The following WDR27 variants were observed in gnomAD, a reference collection of about 807,000 sequenced individuals.
WDR27 encodes WD repeat-containing protein 27.
In WDR27, 100 loss-of-function variants were observed where a neutral mutation model predicts 114.4. The observed-to-expected ratio is 0.87, with a 90% CI of 0.74 to 1.03. The LOEUF (loss-of-function observed/expected upper bound fraction) is 1.03, where lower values mean the gene tolerates loss of function less well. Ranked by LOEUF, WDR27 falls within the 50% of genes least tolerant of loss-of-function variation. The pLI is 0.00. For synonymous variants in WDR27, 449 were observed against 423.1 expected, an observed-to-expected ratio of 1.06 and a Z score of -0.75; for missense variants, 1,129 against 1,092.9, an observed-to-expected ratio of 1.03 and a Z score of -0.47.
chr6:169,481,823 C>A (rs541094877), intron 25 of WDR27, among the ~76,000 whole-genome samples: 1 of 152,322 alleles, frequency 6.6e-6, no homozygotes, highest in African/African-American at 2.4e-5. Flanking sequence ...GCCAGTGAGA[C>A]CACGAACCCA....
chr6:169,457,568 G>A lies in WDR27; in HGVS notation c.*24C>T. On this transcript the variant is annotated 3_prime_UTR_variant, in exon 26 of 26. Transcript: ENST00000448612. Reference sequence around the variant, plus strand: ...GTTCCTCACAGCATTCCTGGACCCAGCTCACAGGTCAGTGGTTACTCAGCT... The same window carrying A: ...GTTCCTCACAGCATTCCTGGACCCAACTCACAGGTCAGTGGTTACTCAGCT... The A allele has an allele frequency of 6.5e-7, 1 of 1,548,178 alleles. No individual in the cohort carries two copies. Among genetic ancestry groups the A allele is most frequent in the South Asian group, 1.2e-5 (1 of 83,268 alleles).
At chr6:169,458,031 C>T (rs910162052) in intron 25 of WDR27, among the ~76,000 whole-genome samples, 7 of 136,654 alleles carry the variant, frequency 5.1e-5, no homozygotes, top group African/African-American at 1.1e-4. Context: ...CAGGAATCCA[C>T]CCCACCCAGA....
At chr6:169,610,263 C>G (rs1810201130) in intron 22 of WDR27, among the ~76,000 whole-genome samples, 1 of 152,208 alleles carries the variant, frequency 6.6e-6, no homozygotes, top group East Asian at 1.9e-4. Flanking sequence ...CCCCACTCTA[C>G]TGGTACCGAT....
At chr6:169,672,850 C>T (rs2128298900) in intron 2 of WDR27, among the ~76,000 whole-genome samples, 1 of 152,158 alleles carries the variant, frequency 6.6e-6, no homozygotes, top group East Asian at 1.9e-4. Context: ...GTGTGGCGAC[C>T]TTGGCAACTA....
chr6:169,545,359 C>A (rs1397777090), intron 25 of WDR27, among the ~76,000 whole-genome samples: 2 of 152,172 alleles, frequency 1.3e-5, no homozygotes, highest in Non-Finnish European at 2.9e-5. Flanking sequence ...AGTTTTTATA[C>A]TTTGCACCAA....
At chr6:169,453,476 C>CACA (rs1784236016), downstream of WDR27, among the ~76,000 whole-genome samples, 2 of 152,180 alleles carry the variant, frequency 1.3e-5, no homozygotes, top group Admixed American at 6.5e-5. Context: ...CATGCTGGGA[C>CACA]ACATTGCCTC....
At chr6:169,634,836 A>G (rs1817285417) in intron 19 of WDR27, among the ~76,000 whole-genome samples, 1 of 152,198 alleles carries the variant, frequency 6.6e-6, no homozygotes, top group Non-Finnish European at 1.5e-5. Flanking sequence ...ATGTATGCTT[A>G]GAAAATCCTG....
Position 169,672,394 on chromosome 6 carries a change from A to G in WDR27, c.192T>C (p.Leu64=). Residue 64 remains leucine, a splice_region_variant and synonymous_variant, in exon 3 of 26, where the codon CTT becomes CTC. Coordinates refer to ENST00000448612, the MANE Select transcript of WDR27 (RefSeq NM_182552.5). ...GCTGATGGTGTCCTCGTAGGATTAGAAGCTGGGAAAATTAACAAAAATAAA... is the reference window on the plus strand; with the variant it reads ...GCTGATGGTGTCCTCGTAGGATTAGGAGCTGGGAAAATTAACAAAAATAAA... ...IWNTKDPSHQ[L]LILRGHHQPI... 6.3e-7 allele frequency: 1 copy of G among 1,589,098 alleles called. No individual in the cohort carries two copies. Among genetic ancestry groups the G allele is most frequent in the South Asian group, 1.2e-5 (1 of 86,480 alleles).
chr6:169,573,939 A>G (rs1173273043), intron 24 of WDR27, among the ~76,000 whole-genome samples: 1 of 152,256 alleles, frequency 6.6e-6, no homozygotes, highest in Non-Finnish European at 1.5e-5. Flanking sequence ...CTTGGCTACC[A>G]TCTCAGCCAG....
chr6:169,445,397 T>G, the WDR27 span, among the ~76,000 whole-genome samples: 1 of 151,924 alleles, frequency 6.6e-6, no homozygotes, highest in Non-Finnish European at 1.5e-5. Context: ...GTGTAGGGTC[T>G]CCGGTGTAAT....
At chr6:169,445,698 G>A in the WDR27 span, among the ~76,000 whole-genome samples, 1 of 152,206 alleles carries the variant, frequency 6.6e-6, no homozygotes, top group Non-Finnish European at 1.5e-5. Context: ...AGCTCCTCTG[G>A]GCCCGCCCTG....
At chr6:169,662,975 C>T (rs1347399384) in intron 8 of WDR27, among the ~76,000 whole-genome samples, 1 of 149,762 alleles carries the variant, frequency 6.7e-6, no homozygotes, top group African/African-American at 2.5e-5. Context: ...TAACACCCAG[C>T]ATGACGCGTG....
chr6:169,682,229 T>C (rs917021732), intron 2 of WDR27, among the ~76,000 whole-genome samples: 1 of 152,188 alleles, frequency 6.6e-6, no homozygotes, highest in Non-Finnish European at 1.5e-5. Context: ...CCACAGCAGA[T>C]CCTGAAGGGA....
At chr6:169,622,966 C>T (rs1288582486) in intron 21 of WDR27, among the ~76,000 whole-genome samples, 8 of 152,178 alleles carry the variant, frequency 5.3e-5, no homozygotes, top group Non-Finnish European at 8.8e-5. Context: ...ACCAGACTGC[C>T]TTTGTAGGAC....
intron 25 of WDR27, among the ~76,000 whole-genome samples, chr6:169,533,926 T>C (rs1795916877): frequency 1.3e-5 from 2 of 152,076 alleles, no homozygotes; most frequent in Non-Finnish European, 2.9e-5. Flanking sequence ...GAACATCCAA[T>C]ACAATGATGA....
At chr6:169,650,236 T>A (rs1821972699) in intron 14 of WDR27, among the ~76,000 whole-genome samples, 1 of 132,172 alleles carries the variant, frequency 7.6e-6, no homozygotes, top group South Asian at 2.8e-4. Flanking sequence ...TACTCATCCA[T>A]CCCTCATCTC....
intron 25 of WDR27, among the ~76,000 whole-genome samples, chr6:169,503,763 A>G (rs1275248048): frequency 6.6e-6 from 1 of 151,744 alleles, no homozygotes; most frequent in Non-Finnish European, 1.5e-5. Context: ...TTCAATTTCT[A>G]GTCATTAATA....
chr6:169,449,721 CA>C, the WDR27 span, among the ~76,000 whole-genome samples: 1 of 152,188 alleles, frequency 6.6e-6, no homozygotes, highest in African/African-American at 2.4e-5. Context: ...GCAGGAGGAG[CA>C]AGGTCCTGGG....
At chr6:169,578,766 T>C (rs1462868651) in intron 24 of WDR27, among the ~76,000 whole-genome samples, 1 of 152,218 alleles carries the variant, frequency 6.6e-6, no homozygotes, top group African/African-American at 2.4e-5. Context: ...GCTTTGGTTA[T>C]TATTTTATAC....
Sources: gnomAD v4.1 joint callset for allele counts (sites outside exome capture counted in the v4.1 genomes callset) on GRCh38, gnomAD v4.1.1 for gene constraint, MANE v1.5 for transcripts, NCBI Gene and HGNC (gene_info 2026-07-23, HGNC 2026-07-21) for gene names.